FBXL17: variants seen among roughly 807,000 people sequenced by gnomAD.
FBXL17 encodes the protein F-box/LRR-repeat protein 17.
A neutral mutation model predicts 66.2 loss-of-function variants in FBXL17; 22 were observed. The observed-to-expected ratio is 0.33, with a 90% CI of 0.24 to 0.47. The LOEUF is 0.47. Among genes scored for constraint, FBXL17 ranks in the 20% least tolerant of loss-of-function variants. The probability of loss-of-function intolerance (pLI) is 1.00; values close to 1 mark genes in which losing one functional copy is unlikely to be tolerated. For synonymous variants in FBXL17, 474 were observed against 400.5 expected, an observed-to-expected ratio of 1.18 and a Z score of -2.19; for missense variants, 878 against 948.2, an observed-to-expected ratio of 0.93 and a Z score of 0.97.
intron 5 of FBXL17, among the ~76,000 whole-genome samples, chr5:108,220,500 G>GT (rs1464859967): frequency 6.6e-6 from 1 of 152,044 alleles, no homozygotes; most frequent in Non-Finnish European, 1.5e-5. Context: ...TATTTTGTCT[G>GT]TTTTTTTAAA....
At chr5:108,280,864 T>G (rs192807899) in intron 4 of FBXL17, among the ~76,000 whole-genome samples, 14 of 151,726 alleles carry the variant, frequency 9.2e-5, no homozygotes, top group Admixed American at 2.6e-4. Flanking sequence ...CAAGCAGTAG[T>G]AGCTATACTC....
chr5:107,900,002 T>C (rs1037471043), intron 7 of FBXL17, among the ~76,000 whole-genome samples: 1 of 152,170 alleles, frequency 6.6e-6, no homozygotes, highest in African/African-American at 2.4e-5. Flanking sequence ...CAAGAAATAG[T>C]TTCTATAATT....
intron 4 of FBXL17, among the ~76,000 whole-genome samples, chr5:108,284,064 A>T (rs1006320534): frequency 6.6e-6 from 1 of 151,880 alleles, no homozygotes; most frequent in Non-Finnish European, 1.5e-5. Context: ...TGTAGAGAAA[A>T]GGGAACATTA....
intron 4 of FBXL17, among the ~76,000 whole-genome samples, chr5:108,336,107 A>C (rs1257097978): frequency 6.6e-6 from 1 of 152,194 alleles, no homozygotes; most frequent in Admixed American, 6.5e-5. Context: ...GATTCTACAA[A>C]ATTGTTAGAA....
intron 7 of FBXL17, among the ~76,000 whole-genome samples, chr5:107,925,072 A>C (rs908962239): frequency 1.3e-5 from 2 of 152,330 alleles, no homozygotes; most frequent in Admixed American, 6.5e-5. Context: ...CTAAAAAAAC[A>C]GATTGATTTT....
At chr5:108,326,443 TA>T (rs148425904) in intron 4 of FBXL17, among the ~76,000 whole-genome samples, 8 of 146,864 alleles carry the variant, frequency 5.4e-5, no homozygotes, top group South Asian at 2.2e-4. Context: ...AAATAAAAAT[TA>T]AAAAAAAAAT....
At chr5:108,027,309 A>T (rs144874763) in intron 6 of FBXL17, among the ~76,000 whole-genome samples, 165 of 152,260 alleles carry the variant, frequency 1.1e-3, no homozygotes, top group African/African-American at 3.8e-3. Flanking sequence ...CAGGTACAGA[A>T]ATTGAAGTAA....
chr5:107,897,467 C>T (rs1749421974), intron 7 of FBXL17, among the ~76,000 whole-genome samples: 1 of 152,098 alleles, frequency 6.6e-6, no homozygotes. Flanking sequence ...TTTTTCTGGA[C>T]TGGATCCTTG....
intron 4 of FBXL17, among the ~76,000 whole-genome samples, chr5:108,336,339 T>G (rs532385295): frequency 5.3e-5 from 8 of 152,298 alleles, no homozygotes; most frequent in African/African-American, 1.9e-4. Context: ...AAATATTATA[T>G]TTAATATCTA....
intron 4 of FBXL17, among the ~76,000 whole-genome samples, chr5:108,279,339 G>A (rs565041013): frequency 6.6e-6 from 1 of 152,000 alleles, no homozygotes; most frequent in Admixed American, 6.6e-5. Flanking sequence ...AAAACTTGAA[G>A]ACCAGGCCAC....
chr5:108,162,816 G>C (rs1324419505), intron 6 of FBXL17, among the ~76,000 whole-genome samples: 1 of 152,098 alleles, frequency 6.6e-6, no homozygotes, highest in Non-Finnish European at 1.5e-5. Context: ...GTAACTGTCA[G>C]AATCAGTGCT....
intron 4 of FBXL17, among the ~76,000 whole-genome samples, chr5:108,256,428 T>C (rs986215726): frequency 6.6e-6 from 1 of 152,138 alleles, no homozygotes; most frequent in African/African-American, 2.4e-5. Flanking sequence ...CTCCAAAACG[T>C]TTGTTTAAAA....
intron 6 of FBXL17, among the ~76,000 whole-genome samples, chr5:108,029,262 T>C (rs962353554): frequency 6.6e-6 from 1 of 152,066 alleles, no homozygotes; most frequent in Non-Finnish European, 1.5e-5. Context: ...AGTTGTAGAT[T>C]AGGGAGCAGA....
chr5:107,865,162 T>C (rs978546527), intron 8 of FBXL17, among the ~76,000 whole-genome samples: 1 of 152,238 alleles, frequency 6.6e-6, no homozygotes, highest in African/African-American at 2.4e-5. Context: ...TATGAACTCT[T>C]TTCTATGGTA....
intron 6 of FBXL17, among the ~76,000 whole-genome samples, chr5:108,185,526 A>T (rs112555448): frequency 7.2e-5 from 11 of 152,268 alleles, no homozygotes; most frequent in African/African-American, 2.6e-4. Context: ...TCTTGTCTTT[A>T]TAAATTACCC....
intron 4 of FBXL17, among the ~76,000 whole-genome samples, 160 bp from the exon 5 acceptor site, chr5:108,224,388 T>A (rs1026774262): frequency 1.9e-4 from 29 of 152,130 alleles, no homozygotes; most frequent in African/African-American, 6.0e-4. Context: ...TATTCCTGTA[T>A]TTTTAAAAGT....
chr5:108,377,811 A>G (rs894374007), intron 1 of FBXL17, among the ~76,000 whole-genome samples: 1 of 152,204 alleles, frequency 6.6e-6, no homozygotes, highest in African/African-American at 2.4e-5. Context: ...GATGGCCTAG[A>G]TCATTTTTTA....
intron 4 of FBXL17, among the ~76,000 whole-genome samples, chr5:108,339,710 G>A (rs976525558): frequency 2.6e-5 from 4 of 151,796 alleles, no homozygotes; most frequent in African/African-American, 9.7e-5. Flanking sequence ...ATTTGATCCA[G>A]AAAAAAATAT....
chr5:108,014,382 G>A (rs1754300225), intron 7 of FBXL17, among the ~76,000 whole-genome samples: 1 of 151,998 alleles, frequency 6.6e-6, no homozygotes, highest in Admixed American at 6.6e-5. Context: ...CGCAAAAACA[G>A]GTTCATTTGT....
Sources: gnomAD v4.1 joint callset for allele counts (sites outside exome capture counted in the v4.1 genomes callset) on GRCh38, gnomAD v4.1.1 for gene constraint, MANE v1.5 for transcripts, NCBI Gene and HGNC (gene_info 2026-07-23, HGNC 2026-07-21) for gene names.